Variants in EFR3A observed in about 807,000 individuals in gnomAD.
EFR3A encodes the protein protein EFR3 homolog A.
A neutral mutation model predicts 104.4 loss-of-function variants in EFR3A; 76 were observed. That is an observed-to-expected ratio of 0.73 (90% CI 0.60 to 0.88). The LOEUF (loss-of-function observed/expected upper bound fraction) is 0.88. Among genes scored for constraint, EFR3A ranks in the 40% least tolerant of loss-of-function variants. EFR3A has a pLI of 0.00. For missense variants in EFR3A, 985 were observed against 1,012.5 expected (o/e 0.97, Z 0.37); for synonymous variants, 330 against 330.0 (o/e 1.00, Z 0.00).
chr8:131,958,106 C>T (rs1399576410), intron 7 of EFR3A, among the ~76,000 whole-genome samples: 2 of 152,150 alleles, frequency 1.3e-5, no homozygotes, highest in South Asian at 4.1e-4. Flanking sequence ...TTGACAAGTG[C>T]ATATGCGAAC....
chr8:131,974,984 A>G (rs1289205234), intron 10 of EFR3A, among the ~76,000 whole-genome samples: 1 of 152,228 alleles, frequency 6.6e-6, no homozygotes, highest in Non-Finnish European at 1.5e-5. Flanking sequence ...AACAGCCATG[A>G]TTTGATAGTC....
chr8:131,980,684 C>T lies in EFR3A; in HGVS notation c.1575+1263C>T, dbSNP rs545219218. 2.0e-5 allele frequency among the ~76,000 whole-genome samples: 3 copies of T among 152,186 alleles called. No homozygotes were observed. The South Asian group carries it at 6.2e-4, about 32-fold the overall frequency. ...TGGTGACATACTTGAAATTTACTCT[C>T]TTAGTTATTTTGAAATATACAATAC... On this transcript the variant is annotated intron_variant, in intron 14 of 22. Coordinates refer to ENST00000254624, the MANE Select transcript of EFR3A (RefSeq NM_015137.6).
intron 17 of EFR3A, among the ~76,000 whole-genome samples, 169 bp downstream of exon 17, chr8:131,986,430 C>CCT (rs1820886627): frequency 6.6e-6 from 1 of 151,972 alleles, no homozygotes; most frequent in African/African-American, 2.4e-5. Flanking sequence ...ATAAAAGGGC[C>CCT]TGCACATTAT....
At chr8:131,937,771 A>C (rs1817975539) in intron 1 of EFR3A, among the ~76,000 whole-genome samples, 1 of 144,018 alleles carries the variant, frequency 6.9e-6, no homozygotes, top group Admixed American at 7.0e-5. Context: ...TGATATGCTC[A>C]TCCCCCTCTT....
At chr8:131,926,731 C>G (rs1490533246) in intron 1 of EFR3A, among the ~76,000 whole-genome samples, 1 of 152,074 alleles carries the variant, frequency 6.6e-6, no homozygotes, top group Non-Finnish European at 1.5e-5. Flanking sequence ...GTGATACTCC[C>G]TCCTTAGCCT....
At chr8:131,912,856 G>A (rs981909909) in intron 1 of EFR3A, among the ~76,000 whole-genome samples, 1 of 152,100 alleles carries the variant, frequency 6.6e-6, no homozygotes, top group African/African-American at 2.4e-5. Context: ...GACCATACTG[G>A]CTTAGGAAAA....
chr8:131,989,730 G>A (rs9297839), intron 18 of EFR3A, among the ~76,000 whole-genome samples: 56,787 of 151,910 alleles, frequency 0.37, 10,907 homozygotes, highest in East Asian at 0.61. Context: ...GGGTAGAAAG[G>A]TGTTAAGATG....
At chr8:131,931,071 G>T (rs189031431) in intron 1 of EFR3A, among the ~76,000 whole-genome samples, 1 of 152,076 alleles carries the variant, frequency 6.6e-6, no homozygotes, top group Non-Finnish European at 1.5e-5. Context: ...TGAGGGCCAT[G>T]GTGGGAGGGG....
intron 5 of EFR3A, among the ~76,000 whole-genome samples, chr8:131,951,722 T>C (rs936722827): frequency 2.0e-5 from 3 of 152,166 alleles, no homozygotes; most frequent in South Asian, 2.1e-4. Context: ...AAAGGACTTA[T>C]AGTACAATTT....
chr8:131,964,900 GA>G (rs140684252), intron 8 of EFR3A, among the ~76,000 whole-genome samples: 50,761 of 151,780 alleles, frequency 0.33, 8,872 homozygotes, highest in East Asian at 0.61. Context: ...AGAGCCCTCA[GA>G]AATAATGCCA....
chr8:131,964,871 T>C (rs1176601120), intron 8 of EFR3A, among the ~76,000 whole-genome samples: 2 of 149,534 alleles, frequency 1.3e-5, no homozygotes, highest in African/African-American at 2.5e-5. Context: ...AACAGAGATA[T>C]AGACCAATGG....
chr8:131,997,882 G>A (rs1370896266), intron 19 of EFR3A, among the ~76,000 whole-genome samples: 1 of 152,022 alleles, frequency 6.6e-6, no homozygotes, highest in Admixed American at 6.5e-5. Context: ...GAAAGAGTCA[G>A]TCTATTTTGA....
At chr8:131,968,149 T>G (rs1819857565) in intron 8 of EFR3A, 146 bp from the exon 9 acceptor site, 1 of 636,644 alleles carries the variant, frequency 1.6e-6, no homozygotes. Context: ...AAAGAATGGC[T>G]TTGTATTGTG....
chr8:131,962,978 A>G (rs1276195400), intron 8 of EFR3A, among the ~76,000 whole-genome samples: 3 of 151,034 alleles, frequency 2.0e-5, no homozygotes, highest in Admixed American at 6.6e-5. Flanking sequence ...TACTGGGTAT[A>G]TAACGAAATG....
At chr8:132,004,291 T>C (rs1821929461) in intron 22 of EFR3A, among the ~76,000 whole-genome samples, 1 of 152,196 alleles carries the variant, frequency 6.6e-6, no homozygotes, top group Non-Finnish European at 1.5e-5. Context: ...GCCCATGGCC[T>C]ATTAGGAACC....
intron 19 of EFR3A, among the ~76,000 whole-genome samples, chr8:132,000,197 C>T (rs1316293650): frequency 6.6e-6 from 1 of 152,064 alleles, no homozygotes. Context: ...GGCGCGATTT[C>T]GGCTCACTGC....
At chr8:131,976,973 G>C (rs867294725) in intron 11 of EFR3A, 68 bp from the exon 12 acceptor site, 11 of 1,075,066 alleles carry the variant, frequency 1.0e-5, no homozygotes, top group Non-Finnish European at 1.5e-5. Flanking sequence ...TTTAAAATCA[G>C]TAATTGAAGT....
chr8:131,952,583 T>G (rs1028521884), intron 5 of EFR3A, among the ~76,000 whole-genome samples: 2 of 152,114 alleles, frequency 1.3e-5, no homozygotes, highest in African/African-American at 4.8e-5. Flanking sequence ...TCACCCAAGG[T>G]GTAGCAGCAG....
At chr8:132,000,171 C>T (rs1821715463) in intron 19 of EFR3A, among the ~76,000 whole-genome samples, 1 of 152,120 alleles carries the variant, frequency 6.6e-6, no homozygotes, top group African/African-American at 2.4e-5. Flanking sequence ...TTCTGTCACC[C>T]AGGCTGGAGT....
Sources: allele counts gnomAD v4.1 joint callset (sites outside exome capture counted in the v4.1 genomes callset), GRCh38; gene constraint gnomAD v4.1.1; transcripts MANE v1.5; gene names NCBI Gene and HGNC (gene_info 2026-07-23, HGNC 2026-07-21).